TBC1D19: variants seen among roughly 807,000 people sequenced by gnomAD.
The protein encoded by TBC1D19 is TBC1 domain family, member 19.
A neutral mutation model predicts 89.0 loss-of-function variants in TBC1D19; 60 were observed. The observed-to-expected ratio is 0.67, with a 90% CI of 0.55 to 0.84. TBC1D19 has a LOEUF of 0.84. Ranked by LOEUF, TBC1D19 falls within the 40% of genes least tolerant of loss-of-function variation. TBC1D19 has a pLI of 0.00. For missense variants in TBC1D19, 500 were observed against 610.8 expected (o/e 0.82, Z 1.91); for synonymous variants, 189 against 199.7 (o/e 0.95, Z 0.45).
chr4:26,748,176 G>C (rs955661082), intron 18 of TBC1D19, among the ~76,000 whole-genome samples: 4 of 152,184 alleles, frequency 2.6e-5, no homozygotes, highest in Admixed American at 2.6e-4. Context: ...GACCTCTAGA[G>C]TAAAGGAGGA....
intron 13 of TBC1D19, among the ~76,000 whole-genome samples, chr4:26,700,418 A>G (rs1715222076): frequency 2.6e-5 from 4 of 152,170 alleles, no homozygotes; most frequent in Admixed American, 1.3e-4. Flanking sequence ...CTCACGTTTC[A>G]GTAGTTCTGT....
chr4:26,679,996 G>A (rs1713189967), intron 11 of TBC1D19, among the ~76,000 whole-genome samples: 1 of 152,138 alleles, frequency 6.6e-6, no homozygotes, highest in Non-Finnish European at 1.5e-5. Context: ...TTGAATCATG[G>A]GTGTGGTTTC....
At chr4:26,688,050 G>A (rs934518217) in intron 12 of TBC1D19, among the ~76,000 whole-genome samples, 17 of 152,074 alleles carry the variant, frequency 1.1e-4, no homozygotes, top group Non-Finnish European at 4.4e-5. Context: ...GATTGCATCC[G>A]CTTTTCTTTT....
chr4:26,749,300 A>G (rs1718815287), intron 19 of TBC1D19, among the ~76,000 whole-genome samples: 1 of 152,204 alleles, frequency 6.6e-6, no homozygotes. Context: ...CACAATAGAT[A>G]GGGATCAGAA....
At chr4:26,779,328 G>T in the TBC1D19 span, among the ~76,000 whole-genome samples, 1 of 152,204 alleles carries the variant, frequency 6.6e-6, no homozygotes, top group African/African-American at 2.4e-5. Context: ...TCCGGGAGAA[G>T]GGGTGGAGGT....
At chr4:26,778,238 A>G in the TBC1D19 span, among the ~76,000 whole-genome samples, 1 of 151,836 alleles carries the variant, frequency 6.6e-6, no homozygotes, top group Admixed American at 6.6e-5. Flanking sequence ...ACACAGTGAA[A>G]CCCCGTCTCT....
At chr4:26,709,930 C>G (rs1181190182) in intron 13 of TBC1D19, among the ~76,000 whole-genome samples, 1 of 151,940 alleles carries the variant, frequency 6.6e-6, no homozygotes, top group African/African-American at 2.4e-5. Context: ...ATCCCAAGCC[C>G]ATACAGCTAT....
At chr4:26,763,515 C>G in the TBC1D19 span, among the ~76,000 whole-genome samples, 1 of 152,302 alleles carries the variant, frequency 6.6e-6, no homozygotes, top group South Asian at 2.1e-4. Context: ...TGAAGCCTCC[C>G]CGCCTTGAGT....
At chr4:26,583,438 C>T (rs781726249), upstream of TBC1D19, among the ~76,000 whole-genome samples, 1 of 152,180 alleles carries the variant, frequency 6.6e-6, no homozygotes, top group Non-Finnish European at 1.5e-5. Flanking sequence ...TGAATCTAGA[C>T]GGTAAATTCC....
chr4:26,789,735 C>T, the TBC1D19 span, among the ~76,000 whole-genome samples: 1 of 151,844 alleles, frequency 6.6e-6, no homozygotes, highest in Non-Finnish European at 1.5e-5. Context: ...ATCATTTTAC[C>T]AAAAAAATTT....
intron 4 of TBC1D19, among the ~76,000 whole-genome samples, chr4:26,624,506 G>A (rs1302729262): frequency 2.0e-5 from 3 of 151,928 alleles, no homozygotes; most frequent in Admixed American, 6.6e-5. Flanking sequence ...CACTATGCCC[G>A]GCCTATTATA....
intron 1 of TBC1D19, among the ~76,000 whole-genome samples, chr4:26,607,650 A>G (rs966905048): frequency 1.3e-5 from 2 of 152,192 alleles, no homozygotes; most frequent in East Asian, 1.9e-4. Context: ...ACTTAAAAAT[A>G]TTTAATTAAA....
chr4:26,687,221 G>A (rs1713888933), intron 12 of TBC1D19, among the ~76,000 whole-genome samples: 1 of 152,096 alleles, frequency 6.6e-6, no homozygotes, highest in Non-Finnish European at 1.5e-5. Flanking sequence ...AGGGCTTTTG[G>A]TGAATTTTTT....
the TBC1D19 span, among the ~76,000 whole-genome samples, chr4:26,830,936 T>C: frequency 2.0e-5 from 3 of 152,206 alleles, no homozygotes; most frequent in African/African-American, 4.8e-5. Context: ...TTTTTAGCCC[T>C]GAGGAGAGGA....
chr4:26,590,797 T>G (rs1028960106), intron 1 of TBC1D19, among the ~76,000 whole-genome samples: 1 of 29,944 alleles, frequency 3.3e-5, no homozygotes, highest in East Asian at 6.9e-4. Context: ...TGCAGGTCTG[T>G]TTTTTTTTTT....
At chr4:26,584,473 A>C (rs1474638003) in intron 1 of TBC1D19, among the ~76,000 whole-genome samples, 181 bp downstream of exon 1, 1 of 151,834 alleles carries the variant, frequency 6.6e-6, no homozygotes, top group Non-Finnish European at 1.5e-5. Context: ...AAACAAAAAA[A>C]CCCCACCTCC....
chr4:26,594,166 A>T (rs1299128514), intron 1 of TBC1D19, among the ~76,000 whole-genome samples: 2 of 152,206 alleles, frequency 1.3e-5, no homozygotes, highest in Non-Finnish European at 2.9e-5. Context: ...AGCCATAAAA[A>T]ATGATGAGTT....
the TBC1D19 span, among the ~76,000 whole-genome samples, chr4:26,773,784 G>C: frequency 6.6e-6 from 1 of 152,118 alleles, no homozygotes; most frequent in South Asian, 2.1e-4. Flanking sequence ...GTAGGTGTGT[G>C]GTCTTATTTC....
At chr4:26,824,215 G>A in the TBC1D19 span, among the ~76,000 whole-genome samples, 2 of 152,216 alleles carry the variant, frequency 1.3e-5, no homozygotes, top group African/African-American at 4.8e-5. Flanking sequence ...AAAGACGAGA[G>A]ATAAAGAGAT....
Sources: gnomAD v4.1 joint callset for allele counts (sites outside exome capture counted in the v4.1 genomes callset) on GRCh38, gnomAD v4.1.1 for gene constraint, MANE v1.5 for transcripts, NCBI Gene and HGNC (gene_info 2026-07-23, HGNC 2026-07-21) for gene names.